CAMTA1: variants seen among roughly 807,000 people sequenced by gnomAD.
CAMTA1 encodes calmodulin binding transcription activator 1, also known as calmodulin-binding transcription activator 1.
Under a neutral mutation model 170.9 loss-of-function variants are expected in CAMTA1, and 27 were observed. The observed-to-expected ratio is 0.16, with a 90% CI of 0.12 to 0.22. The LOEUF (loss-of-function observed/expected upper bound fraction) is 0.22. Ranked by LOEUF, CAMTA1 falls within the 10% of genes least tolerant of loss-of-function variation. The pLI is 1.00. For synonymous variants in CAMTA1, 833 were observed against 891.5 expected (o/e 0.93, Z 1.17); for missense variants, 1,619 against 2,217.2 (o/e 0.73, Z 5.42).
intron 1 of CAMTA1, among the ~76,000 whole-genome samples, chr1:6,809,752 A>G (rs1644954486): frequency 6.6e-6 from 1 of 152,130 alleles, no homozygotes; most frequent in South Asian, 2.1e-4. Flanking sequence ...AGGCTGAGAA[A>G]GAATGGTCGG....
At chr1:7,490,209 A>G (rs765180880) in intron 6 of CAMTA1, among the ~76,000 whole-genome samples, 1 of 152,156 alleles carries the variant, frequency 6.6e-6, no homozygotes, top group Non-Finnish European at 1.5e-5. Flanking sequence ...TTCCCTTGCT[A>G]TGCCTCCTCG....
chr1:7,676,307 G>T (rs1470498788), intron 10 of CAMTA1, among the ~76,000 whole-genome samples: 1 of 152,240 alleles, frequency 6.6e-6, no homozygotes, highest in Non-Finnish European at 1.5e-5. Flanking sequence ...TCAGGTTGTG[G>T]CCTGGAGCTG....
At chr1:6,943,635 T>A (rs1190866373) in intron 3 of CAMTA1, among the ~76,000 whole-genome samples, 1 of 151,792 alleles carries the variant, frequency 6.6e-6, no homozygotes, top group Non-Finnish European at 1.5e-5. Context: ...GATCACGAGA[T>A]CAGAGTTCGA....
At chr1:7,605,868 C>T (rs1480989636) in intron 6 of CAMTA1, among the ~76,000 whole-genome samples, 3 of 152,340 alleles carry the variant, frequency 2.0e-5, no homozygotes, top group African/African-American at 7.2e-5. Flanking sequence ...AAAGGACCAT[C>T]ACTGTGACCG....
chr1:6,812,094 T>A (rs1645235586), intron 1 of CAMTA1, among the ~76,000 whole-genome samples: 1 of 152,252 alleles, frequency 6.6e-6, no homozygotes, highest in African/African-American at 2.4e-5. Flanking sequence ...TCGGTGTTCC[T>A]CAGTGGGAGC....
At chr1:7,688,061 T>G (rs914082595) in intron 11 of CAMTA1, among the ~76,000 whole-genome samples, 1 of 140,676 alleles carries the variant, frequency 7.1e-6, no homozygotes, top group African/African-American at 2.6e-5. Context: ...CAGGCTAGAG[T>G]ATAGTGGCTC....
chr1:7,103,456 TAC>T (rs1243675469), intron 4 of CAMTA1, among the ~76,000 whole-genome samples: 3 of 120,596 alleles, frequency 2.5e-5, no homozygotes, highest in East Asian at 2.6e-4. Context: ...CACACACAAC[TAC>T]ACACATGTAC....
chr1:6,938,328 G>T (rs1685811253), intron 3 of CAMTA1, among the ~76,000 whole-genome samples: 2 of 152,164 alleles, frequency 1.3e-5, no homozygotes, highest in Non-Finnish European at 2.9e-5. Flanking sequence ...CTGAGAGACT[G>T]GTTGGCTGGG....
At chr1:7,277,456 G>GGTGTGT (rs57970990) in intron 5 of CAMTA1, among the ~76,000 whole-genome samples, 46,518 of 134,860 alleles carry the variant, frequency 0.34, 7,958 homozygotes, top group East Asian at 0.55. Context: ...TCCAAGCAAT[G>GGTGTGT]GTGTGTGTGT....
At chr1:7,442,052 C>T (rs1304145567) in intron 5 of CAMTA1, among the ~76,000 whole-genome samples, 1 of 152,164 alleles carries the variant, frequency 6.6e-6, no homozygotes, top group African/African-American at 2.4e-5. Context: ...CAGCGCTGTC[C>T]TCAGCCCTGA....
intron 3 of CAMTA1, among the ~76,000 whole-genome samples, chr1:6,981,955 C>T (rs1694511873): frequency 6.6e-6 from 1 of 152,164 alleles, no homozygotes; most frequent in Admixed American, 6.5e-5. Flanking sequence ...CTCTTAAACT[C>T]CTGGGCTCCA....
chr1:7,182,007 T>G (rs1262067097), intron 4 of CAMTA1, among the ~76,000 whole-genome samples: 3 of 145,300 alleles, frequency 2.1e-5, no homozygotes, highest in Non-Finnish European at 4.4e-5. Flanking sequence ...TGCATGAATA[T>G]TCAAAATAGC....
At chr1:7,127,235 AGGCCAGAG>A (rs1644988114) in intron 4 of CAMTA1, among the ~76,000 whole-genome samples, 1 of 130,360 alleles carries the variant, frequency 7.7e-6, no homozygotes, top group Non-Finnish European at 1.6e-5. Context: ...GGTGAAGGGA[AGGCCAGAG>A]GGGCTTTTTT....
chr1:6,928,457 G>A (rs1422707951), intron 3 of CAMTA1, among the ~76,000 whole-genome samples: 1 of 152,166 alleles, frequency 6.6e-6, no homozygotes, highest in African/African-American at 2.4e-5. Context: ...AAACTCAGGT[G>A]TCTTAGGATA....
At position 6,843,353 on chromosome 1, in the gene CAMTA1, A is replaced by G. The variant is rs193094423; in HGVS notation, c.234+18143A>G. Among the ~76,000 whole-genome samples the G allele has an allele frequency of 4.4e-3, 670 of 152,304 alleles. 2 individuals are homozygous for G. Among genetic ancestry groups the G allele is most frequent in the Non-Finnish European group, 5.3e-3 (360 of 68,030 alleles). On this transcript the variant is annotated intron_variant, in intron 3 of 22. Coordinates refer to ENST00000303635, the MANE Select transcript of CAMTA1 (RefSeq NM_015215.4). ...AGCATTCCTGATAAGTGGTCATCCA[A>G]TTTGGAAAGACAGTATTTTACAAGG...
chr1:7,214,859 CT>C lies in CAMTA1; in HGVS notation c.303-34618del, dbSNP rs1260135787. Reference sequence around the variant, plus strand: ...TTTGGTGGAGACTTTTTCTTTCTTTCTTTTTTTTTTTTTTGCCTGTGGATGT... The same window carrying C: ...TTTGGTGGAGACTTTTTCTTTCTTTCTTTTTTTTTTTTTGCCTGTGGATGT... On this transcript the variant is annotated intron_variant, in intron 4 of 22. Coordinates refer to ENST00000303635, the MANE Select transcript of CAMTA1 (RefSeq NM_015215.4). Among the ~76,000 whole-genome samples the C allele has an allele frequency of 6.8e-3, 554 of 81,700 alleles. 1 individual carries two copies. The highest frequency in any genetic ancestry group is 0.034 in the African/African-American group (488 of 14,216). The allele number at this position is 81,700 out of a possible 152,430, so 53.6% of individuals were successfully genotyped here.
chr1:7,724,058 A>G (rs927018411), intron 11 of CAMTA1, among the ~76,000 whole-genome samples: 4 of 152,196 alleles, frequency 2.6e-5, no homozygotes, highest in Admixed American at 6.5e-5. Flanking sequence ...ACCTCAGGTG[A>G]TCCACCGGCC....
chr1:7,107,558 G>A (rs1461530298), intron 4 of CAMTA1, among the ~76,000 whole-genome samples: 1 of 152,136 alleles, frequency 6.6e-6, no homozygotes, highest in Non-Finnish European at 1.5e-5. Flanking sequence ...GACTCTGGAG[G>A]CCATGGAATG....
chr1:7,717,332 A>T (rs961794905), intron 11 of CAMTA1, among the ~76,000 whole-genome samples: 2 of 152,208 alleles, frequency 1.3e-5, no homozygotes, highest in Non-Finnish European at 2.9e-5. Flanking sequence ...GTACATTTGT[A>T]CATAGTGCAT....
Sources: gnomAD v4.1 joint callset for allele counts (sites outside exome capture counted in the v4.1 genomes callset) on GRCh38, gnomAD v4.1.1 for gene constraint, MANE v1.5 for transcripts, NCBI Gene and HGNC (gene_info 2026-07-23, HGNC 2026-07-21) for gene names.